RNF212B: variants seen among roughly 807,000 people sequenced by gnomAD.
The protein encoded by RNF212B is ring finger protein 212B.
RNF212B carries 52 observed loss-of-function variants against 55.5 expected under a neutral mutation model. The ratio of observed to expected loss-of-function variants is 0.94; its 90% confidence interval spans 0.75 to 1.18. The LOEUF is 1.18. Among genes scored for constraint, RNF212B ranks in the 50% most tolerant of loss-of-function variants. RNF212B has a pLI of 0.00. For missense variants in RNF212B, 289 were observed against 350.4 expected, an observed-to-expected ratio of 0.82 and a Z score of 1.40; for synonymous variants, 99 against 121.4, an observed-to-expected ratio of 0.82 and a Z score of 1.21.
intron 4 of RNF212B, among the ~76,000 whole-genome samples, chr14:23,256,764 G>A (rs1884862425): frequency 1.3e-5 from 2 of 152,180 alleles, no homozygotes; most frequent in South Asian, 4.1e-4. Flanking sequence ...ATGGGTCCCT[G>A]CAGCCTCAAA....
chr14:23,217,119 C>T (rs550228465), intron 2 of RNF212B, among the ~76,000 whole-genome samples: 6 of 152,032 alleles, frequency 3.9e-5, no homozygotes, highest in Non-Finnish European at 7.4e-5. Flanking sequence ...AGAGTGGAGC[C>T]CCCTGCCCTG....
chr14:23,191,434 C>T (rs1317402908), intron 1 of RNF212B, among the ~76,000 whole-genome samples: 1 of 150,562 alleles, frequency 6.6e-6, no homozygotes, highest in Admixed American at 6.6e-5. Context: ...CATTACTTAA[C>T]ATAATTTGTT....
chr14:23,233,451 T>C (rs1882867331), upstream of RNF212B, among the ~76,000 whole-genome samples: 1 of 147,944 alleles, frequency 6.8e-6, no homozygotes, highest in Non-Finnish European at 1.5e-5. Context: ...TTTATCTGGG[T>C]TTGGTGGCTC....
chr14:23,258,361 G>A (rs1388861460), intron 4 of RNF212B, 188 bp from the exon 5 acceptor site: 3 of 289,600 alleles, frequency 1.0e-5, no homozygotes, highest in South Asian at 1.3e-4. Context: ...AAAAAAGACA[G>A]TAGAAGGCTA....
At chr14:23,196,660 T>C (rs2140362169) in intron 2 of RNF212B, among the ~76,000 whole-genome samples, 1 of 152,290 alleles carries the variant, frequency 6.6e-6, no homozygotes, top group East Asian at 1.9e-4. Flanking sequence ...CAGGCTGATC[T>C]TGAACTCCTG....
intron 2 of RNF212B, among the ~76,000 whole-genome samples, chr14:23,227,365 G>T (rs1006869391): frequency 6.6e-6 from 1 of 152,070 alleles, no homozygotes; most frequent in Non-Finnish European, 1.5e-5. Flanking sequence ...GCAGGACAAT[G>T]GTTGCCTTTA....
chr14:23,204,022 T>C (rs35983702), intron 2 of RNF212B, among the ~76,000 whole-genome samples: 72,982 of 152,074 alleles, frequency 0.48, 19,173 homozygotes, highest in African/African-American at 0.71. Flanking sequence ...GTATATCTTC[T>C]CTTGAGAATT....
At chr14:23,217,125 C>T (rs2140400538) in intron 2 of RNF212B, among the ~76,000 whole-genome samples, 1 of 152,070 alleles carries the variant, frequency 6.6e-6, no homozygotes, top group Non-Finnish European at 1.5e-5. Flanking sequence ...GAGCCCCCTG[C>T]CCTGAAGGGT....
intron 2 of RNF212B, among the ~76,000 whole-genome samples, chr14:23,195,820 C>T (rs778403874): frequency 5.3e-5 from 8 of 152,124 alleles, no homozygotes; most frequent in Non-Finnish European, 8.8e-5. Context: ...TTTAACCTTC[C>T]AAACAACCTT....
chr14:23,249,713 T>C (rs551419327), intron 4 of RNF212B, among the ~76,000 whole-genome samples: 1 of 152,322 alleles, frequency 6.6e-6, no homozygotes, highest in East Asian at 1.9e-4. Flanking sequence ...AGTATTCCTT[T>C]GATCATACAA....
rs550164475 is a variant in RNF212B, at chr14:23,252,716, C to T, written c.229-5833C>T. ...AGCGGGGATGAAGAAATTGCATTCT[C>T]ATGCTGATTCAGTTCCTCTGTGGGG... On this transcript the variant is annotated intron_variant, in intron 4 of 14. Coordinates refer to ENST00000430154, the MANE Select transcript of RNF212B (RefSeq NM_001282322.3). 5.3e-5 allele frequency among the ~76,000 whole-genome samples: 8 copies of T among 152,308 alleles called. No homozygotes were observed. In the South Asian group the frequency reaches 1.0e-3, roughly 20 times the overall value.
In RNF212B at chr14:23,272,116, A is replaced by G. The variant is rs545543261; in HGVS notation, c.835-707A>G. 6.4e-4 allele frequency among the ~76,000 whole-genome samples: 97 copies of G among 152,200 alleles called. 1 individual carries two copies. In the South Asian group the frequency reaches 0.015, roughly 24 times the overall value. ...GCACATGAGTTCATTATACTATTCT[A>G]TGTATTTTTTGAAAATGTGGGCCAG... is the stretch of plus-strand genomic sequence containing the variant. On this transcript the variant is annotated intron_variant, in intron 14 of 14. Coordinates refer to ENST00000430154, the MANE Select transcript of RNF212B (RefSeq NM_001282322.3).
rs138993625 is a variant in RNF212B, at chr14:23,200,476, C to T, written c.-2+7075C>T. Among the ~76,000 whole-genome samples, 969 of 152,152 alleles carry T rather than the reference C, an allele frequency of 6.4e-3. 6 individuals carry two copies. The highest frequency in any genetic ancestry group is 9.9e-3 in the Non-Finnish European group (673 of 68,000). On this transcript the variant is annotated intron_variant, in intron 2 of 15. Transcript: ENST00000399910. The stretch of plus-strand genomic sequence containing the variant: ...AAGTAGATGGGATTACAGGTGCGTG[C>T]CACTGTGTCTGGCTAATTTTTGTAA...
upstream of RNF212B, among the ~76,000 whole-genome samples, chr14:23,237,450 T>C (rs993897076): frequency 6.6e-6 from 1 of 152,298 alleles, no homozygotes; most frequent in East Asian, 1.9e-4. Flanking sequence ...GAATAAAGGT[T>C]GACTTTTTTT....
At chr14:23,251,164 A>G (rs1265420849) in intron 4 of RNF212B, among the ~76,000 whole-genome samples, 1 of 152,238 alleles carries the variant, frequency 6.6e-6, no homozygotes, top group African/African-American at 2.4e-5. Context: ...GGAAAGATGA[A>G]TAATATTTGC....
intron 2 of RNF212B, chr14:23,230,143 C>A (rs962263143): frequency 6.2e-6 from 1 of 162,480 alleles, no homozygotes; most frequent in Non-Finnish European, 1.4e-5. Context: ...GAATACACAC[C>A]ACAATGGTGG....
chr14:23,259,839 T>G, intron 5 of RNF212B, 45 bp from the exon 6 acceptor site: 1 of 1,145,814 alleles, frequency 8.7e-7, no homozygotes, highest in East Asian at 2.7e-5. Context: ...ATCAGGTTTT[T>G]AATCCCTGAT....
intron 2 of RNF212B, among the ~76,000 whole-genome samples, chr14:23,210,767 ACT>A (rs1880417135): frequency 1.1e-5 from 1 of 90,472 alleles, no homozygotes; most frequent in Admixed American, 1.3e-4. Context: ...ACAGTGTGAG[ACT>A]CTGTCTCAAA....
intron 2 of RNF212B, among the ~76,000 whole-genome samples, chr14:23,221,518 AAGAC>A (rs930175656): frequency 2.0e-5 from 3 of 152,200 alleles, no homozygotes; most frequent in African/African-American, 7.2e-5. Flanking sequence ...GCTAAAGAGA[AAGAC>A]AGACTCCAAT....
Sources: allele counts gnomAD v4.1 joint callset (sites outside exome capture counted in the v4.1 genomes callset), GRCh38; gene constraint gnomAD v4.1.1; transcripts MANE v1.5; gene names NCBI Gene and HGNC (gene_info 2026-07-23, HGNC 2026-07-21).